DCTD: variants seen among roughly 807,000 people sequenced by gnomAD.
The protein encoded by DCTD is dCMP deaminase, also known as deoxycytidylate deaminase.
DCTD carries 23 observed loss-of-function variants against 21.0 expected under a neutral mutation model. The ratio of observed to expected loss-of-function variants is 1.09; its 90% CI spans 0.79 to 1.55. The LOEUF (loss-of-function observed/expected upper bound fraction) is 1.55, where lower values mean the gene tolerates loss of function less well. Ranked by LOEUF, DCTD falls within the 40% of genes most tolerant of loss-of-function variation. DCTD has a pLI of 0.00. For synonymous variants in DCTD, 71 were observed against 81.1 expected (o/e 0.88, Z 0.67); for missense variants, 224 against 230.0 (o/e 0.97, Z 0.17).
intron 3 of DCTD, among the ~76,000 whole-genome samples, chr4:182,912,712 G>A (rs1305995550): frequency 6.6e-6 from 1 of 152,188 alleles, no homozygotes; most frequent in African/African-American, 2.4e-5. Flanking sequence ...GGGAAGTCAG[G>A]AGAGCTGGGA....
chr4:182,906,573 G>A (rs1352146751), intron 3 of DCTD, among the ~76,000 whole-genome samples: 3 of 152,188 alleles, frequency 2.0e-5, no homozygotes, highest in South Asian at 2.1e-4. Context: ...TGACTCCAGA[G>A]ATCATCCCCA....
At chr4:182,902,610 C>G (rs1360388983) in intron 3 of DCTD, among the ~76,000 whole-genome samples, 1 of 152,252 alleles carries the variant, frequency 6.6e-6, no homozygotes, top group Non-Finnish European at 1.5e-5. Context: ...GGGAGCAGCC[C>G]TTAGTAACAG....
Position 182,894,496 on chromosome 4 carries a change from G to T in DCTD, c.354C>A (p.Ile118=). Residue 118 remains isoleucine (I), a synonymous_variant, in exon 4 of 6, where the codon ATC becomes ATA. Coordinates refer to ENST00000438320, the MANE Select transcript of DCTD (RefSeq NM_001921.3). ...GAAAGACCCGGTTCCTACCTGCCTG[G>T]ATGATGAGCTTAGCGCATTCATTAC... ...FPCNECAKLI[I]QAGIKEVIFM... The T allele has an allele frequency of 6.2e-7, 1 of 1,604,996 alleles. No individual in the cohort carries two copies. The highest frequency in any genetic ancestry group is 8.5e-7 in the Non-Finnish European group (1 of 1,171,708).
chr4:182,891,913 A>G (rs1733825784), intron 5 of DCTD, among the ~76,000 whole-genome samples: 1 of 151,402 alleles, frequency 6.6e-6, no homozygotes, highest in South Asian at 2.1e-4. Context: ...TTTAGTGAGG[A>G]GTAATTTTTC....
At chr4:182,892,567 T>C (rs999207574) in intron 5 of DCTD, among the ~76,000 whole-genome samples, 4 of 151,806 alleles carry the variant, frequency 2.6e-5, no homozygotes, top group South Asian at 2.1e-4. Flanking sequence ...AAGCGGAGGT[T>C]GCAGTGAGCC....
intron 4 of DCTD, among the ~76,000 whole-genome samples, chr4:182,894,287 T>C (rs1734322813): frequency 6.6e-6 from 1 of 152,206 alleles, no homozygotes; most frequent in Non-Finnish European, 1.5e-5. Context: ...ATTAAAAACA[T>C]GCTAAGAATC....
At chr4:182,897,507 CATATAT>C (rs10547938) in intron 3 of DCTD, among the ~76,000 whole-genome samples, 1 of 146,974 alleles carries the variant, frequency 6.8e-6, no homozygotes, top group Non-Finnish European at 1.5e-5. Context: ...ATTTAGCACC[CATATAT>C]ATATATATAT....
At chr4:182,915,374 G>T in intron 2 of DCTD, 87 bp downstream of exon 2, 1 of 919,108 alleles carries the variant, frequency 1.1e-6, no homozygotes, top group Non-Finnish European at 1.8e-6. Context: ...AAGTTGACAG[G>T]CGTCCACTGA....
chr4:182,915,180 T>C (rs1296826117), intron 2 of DCTD, 122 bp from the exon 3 acceptor site: 13 of 1,301,120 alleles, frequency 1.0e-5, no homozygotes, highest in Non-Finnish European at 1.4e-5. Flanking sequence ...CTGCAGGTGC[T>C]GAGAGCTGTC....
At chr4:182,902,131 A>G (rs1203193315) in intron 3 of DCTD, among the ~76,000 whole-genome samples, 1 of 152,194 alleles carries the variant, frequency 6.6e-6, no homozygotes, top group African/African-American at 2.4e-5. Flanking sequence ...CTCATATGTC[A>G]CTGCCAGCCT....
At chr4:182,913,280 C>G (rs1236831805) in intron 3 of DCTD, among the ~76,000 whole-genome samples, 1 of 152,194 alleles carries the variant, frequency 6.6e-6, no homozygotes, top group Non-Finnish European at 1.5e-5. Context: ...TCCATCCTCT[C>G]TTCCCACTCC....
intron 3 of DCTD, among the ~76,000 whole-genome samples, chr4:182,895,904 C>T (rs951374317): frequency 6.6e-5 from 10 of 152,338 alleles, no homozygotes; most frequent in Middle Eastern, 3.4e-3. Flanking sequence ...CAGACAAGTT[C>T]CGGAAGCACT....
Position 182,915,530 on chromosome 4 carries a change from C to G in DCTD, c.39G>C (p.Leu13Phe). The change falls in exon 2 of 6, where the codon TTG becomes TTC. Residue 13 changes from leucine (L) to phenylalanine (F), a missense_variant. Physicochemically the swap from Leu to Phe is conservative, Grantham distance 22. Coordinates refer to ENST00000438320, the MANE Select transcript of DCTD (RefSeq NM_001921.3). ...EVSCKKRDDY[L>F]EWPEYFMAVA... The stretch of plus-strand genomic sequence containing the variant: ...CAGCCATAAAATACTCTGGCCATTC[C>G]AAATAGTCGTCCCGTTTCTTGCAGG... The G allele has an allele frequency of 6.2e-7, 1 of 1,613,796 alleles. No homozygotes were observed. Among genetic ancestry groups the G allele is most frequent in the Non-Finnish European group, 8.5e-7 (1 of 1,179,688 alleles).
intron 3 of DCTD, among the ~76,000 whole-genome samples, chr4:182,897,059 C>T (rs971069574): frequency 3.3e-5 from 5 of 152,268 alleles, no homozygotes; most frequent in African/African-American, 9.6e-5. Context: ...AGAACTGTCA[C>T]GCTCACTGCC....
intron 4 of DCTD, 56 bp from the exon 5 acceptor site, chr4:182,893,183 G>A (rs1348216445): frequency 1.9e-6 from 2 of 1,053,416 alleles, no homozygotes; most frequent in South Asian, 1.3e-5. Context: ...TGCTGCAAAA[G>A]ACAGGCGGAA....
chr4:182,906,236 C>T (rs1474775014), intron 3 of DCTD, among the ~76,000 whole-genome samples: 6 of 152,006 alleles, frequency 3.9e-5, no homozygotes, highest in African/African-American at 9.7e-5. Context: ...GAGGCTGGGA[C>T]GTCCGAGATC....
chr4:182,904,925 C>G (rs1736401666), intron 3 of DCTD, among the ~76,000 whole-genome samples: 1 of 152,182 alleles, frequency 6.6e-6, no homozygotes, highest in African/African-American at 2.4e-5. Flanking sequence ...TTCCAGAAAT[C>G]TCTATCTCAC....
intron 3 of DCTD, among the ~76,000 whole-genome samples, chr4:182,900,457 CTGGA>C (rs1248959447): frequency 6.6e-6 from 1 of 152,026 alleles, no homozygotes; most frequent in African/African-American, 2.4e-5. Flanking sequence ...GTTGTGTTGC[CTGGA>C]TGAACTGCAG....
intron 3 of DCTD, among the ~76,000 whole-genome samples, chr4:182,905,326 CTTTT>C (rs70956544): frequency 4.9e-5 from 6 of 121,566 alleles, no homozygotes; most frequent in Non-Finnish European, 6.8e-5. Context: ...AGCCCGCCTT[CTTTT>C]TTTTTTTTTT....
Sources: gnomAD v4.1 joint callset for allele counts (sites outside exome capture counted in the v4.1 genomes callset) on GRCh38, gnomAD v4.1.1 for gene constraint, MANE v1.5 for transcripts, NCBI Gene and HGNC (gene_info 2026-07-23, HGNC 2026-07-21) for gene names.